MARCHF11: variants seen among roughly 807,000 people sequenced by gnomAD.
MARCHF11 encodes membrane associated ring-CH-type finger 11.
In MARCHF11, 29 loss-of-function variants were observed where a neutral mutation model predicts 37.3. The observed-to-expected ratio is 0.78, with a 90% CI of 0.58 to 1.06. The LOEUF is 1.06. Ranked by LOEUF, MARCHF11 falls within the 50% of genes least tolerant of loss-of-function variation. MARCHF11 has a pLI of 0.00. For missense variants in MARCHF11, 482 were observed against 533.4 expected (o/e 0.90, Z 0.95); for synonymous variants, 233 against 228.0 (o/e 1.02, Z -0.20).
chr5:16,073,366 C>T (rs1386885375), intron 3 of MARCHF11, among the ~76,000 whole-genome samples: 2 of 152,080 alleles, frequency 1.3e-5, no homozygotes, highest in African/African-American at 4.8e-5. Context: ...TCTTAACCTA[C>T]CCCAAACTTA....
At chr5:16,174,373 G>A (rs1008696051) in intron 2 of MARCHF11, among the ~76,000 whole-genome samples, 6 of 152,150 alleles carry the variant, frequency 3.9e-5, no homozygotes, top group East Asian at 1.9e-4. Context: ...GTTTAACTAC[G>A]TTGTACAGGA....
chr5:16,125,615 CTCTCTGTGTGTGTGTG>C (rs1227456035), intron 2 of MARCHF11, among the ~76,000 whole-genome samples: 1 of 116,404 alleles, frequency 8.6e-6, no homozygotes, highest in Non-Finnish European at 1.7e-5. Flanking sequence ...CCCTGGCACA[CTCTCTGTGTGTGTGTG>C]TGTGTGTGTG....
At chr5:16,080,190 C>T (rs562774840) in intron 3 of MARCHF11, among the ~76,000 whole-genome samples, 9 of 152,314 alleles carry the variant, frequency 5.9e-5, no homozygotes, top group Admixed American at 4.6e-4. Context: ...CATCCATCCA[C>T]GTTACCCCCA....
At chr5:16,116,509 A>G (rs1737228759) in intron 2 of MARCHF11, among the ~76,000 whole-genome samples, 1 of 152,200 alleles carries the variant, frequency 6.6e-6, no homozygotes, top group Non-Finnish European at 1.5e-5. Flanking sequence ...GTGATTTAGA[A>G]AATCGTTTCT....
At chr5:16,084,940 A>G (rs950284233) in intron 3 of MARCHF11, among the ~76,000 whole-genome samples, 2 of 152,126 alleles carry the variant, frequency 1.3e-5, no homozygotes, top group African/African-American at 4.8e-5. Flanking sequence ...CTCAAGAGAG[A>G]TATTTTTGGT....
chr5:16,102,971 C>T (rs1736983350), intron 2 of MARCHF11, among the ~76,000 whole-genome samples: 1 of 152,158 alleles, frequency 6.6e-6, no homozygotes, highest in African/African-American at 2.4e-5. Context: ...GTCTTAACAC[C>T]ACCGATGTAA....
intron 2 of MARCHF11, among the ~76,000 whole-genome samples, chr5:16,167,960 C>G (rs867282198): frequency 2.0e-5 from 3 of 152,044 alleles, no homozygotes; most frequent in Non-Finnish European, 4.4e-5. Context: ...ACAAAGAATA[C>G]TTTGAGGCTA....
chr5:16,126,504 A>G (rs1737410492), intron 2 of MARCHF11, among the ~76,000 whole-genome samples: 1 of 152,184 alleles, frequency 6.6e-6, no homozygotes, highest in Non-Finnish European at 1.5e-5. Context: ...CAAAGCCCCG[A>G]TTTAATACTT....
At chr5:16,140,418 T>A (rs1737683369) in intron 2 of MARCHF11, among the ~76,000 whole-genome samples, 1 of 152,130 alleles carries the variant, frequency 6.6e-6, no homozygotes, top group Admixed American at 6.6e-5. Flanking sequence ...GAATGATGGG[T>A]CATTGTATAT....
intron 2 of MARCHF11, among the ~76,000 whole-genome samples, chr5:16,098,437 T>C (rs1190256306): frequency 6.6e-6 from 1 of 152,088 alleles, no homozygotes; most frequent in Non-Finnish European, 1.5e-5. Context: ...AGAAAACCTG[T>C]TAGAATTAGT....
intron 2 of MARCHF11, among the ~76,000 whole-genome samples, chr5:16,150,186 T>A (rs1010367642): frequency 2.7e-5 from 4 of 149,340 alleles, no homozygotes; most frequent in Non-Finnish European, 5.9e-5. Context: ...AATGAAAAAG[T>A]ACATCACTAC....
chr5:16,167,894 A>C (rs1738196886), intron 2 of MARCHF11, among the ~76,000 whole-genome samples: 1 of 152,112 alleles, frequency 6.6e-6, no homozygotes, highest in Non-Finnish European at 1.5e-5. Flanking sequence ...ATGAGAAAGT[A>C]CCAATTATCA....
At chr5:16,170,212 A>C (rs1478960320) in intron 2 of MARCHF11, among the ~76,000 whole-genome samples, 1 of 152,172 alleles carries the variant, frequency 6.6e-6, no homozygotes, top group Admixed American at 6.6e-5. Flanking sequence ...AAAATTTCCA[A>C]CAAATTATTC....
intron 2 of MARCHF11, among the ~76,000 whole-genome samples, chr5:16,110,629 T>C (rs1446032): frequency 0.056 from 8,464 of 152,302 alleles, 672 homozygotes; most frequent in African/African-American, 0.18. Context: ...TAAGATGATT[T>C]ACCCAAGGTC....
At chr5:16,105,410 G>T (rs990111293) in intron 2 of MARCHF11, among the ~76,000 whole-genome samples, 1 of 152,148 alleles carries the variant, frequency 6.6e-6, no homozygotes, top group Non-Finnish European at 1.5e-5. Flanking sequence ...ATTCCTCGCA[G>T]TCCTTTAGTT....
intron 1 of MARCHF11, 113 bp from the exon 2 acceptor site, chr5:16,177,994 C>G (rs1461067117): frequency 4.0e-6 from 4 of 1,003,470 alleles, no homozygotes; most frequent in Non-Finnish European, 5.5e-6. Flanking sequence ...GCATCAGGCT[C>G]TATCATAGGA....
chr5:16,147,591 A>G (rs559674270), intron 2 of MARCHF11, among the ~76,000 whole-genome samples: 2 of 152,182 alleles, frequency 1.3e-5, no homozygotes, highest in Admixed American at 6.5e-5. Flanking sequence ...CATCTCCTCT[A>G]TGAGTAAAGA....
At chr5:16,088,581 G>T (rs10043146) in intron 3 of MARCHF11, among the ~76,000 whole-genome samples, 14,889 of 152,034 alleles carry the variant, frequency 0.098, 2,373 homozygotes, top group African/African-American at 0.34. Flanking sequence ...GAGATCTTCG[G>T]GGCTGCAATC....
At chr5:16,115,256 T>C (rs988077100) in intron 2 of MARCHF11, among the ~76,000 whole-genome samples, 1 of 152,212 alleles carries the variant, frequency 6.6e-6, no homozygotes. Context: ...CAGTCCTTAA[T>C]TCGTCAATTT....
Sources: gnomAD v4.1 joint callset for allele counts (sites outside exome capture counted in the v4.1 genomes callset) on GRCh38, gnomAD v4.1.1 for gene constraint, MANE v1.5 for transcripts, NCBI Gene and HGNC (gene_info 2026-07-23, HGNC 2026-07-21) for gene names.